Variants in NOSIP observed in about 807,000 individuals in gnomAD.
NOSIP encodes nitric oxide synthase interacting protein.
Under a neutral mutation model 36.4 loss-of-function variants are expected in NOSIP, and 25 were observed. That is an observed-to-expected ratio of 0.69 (90% confidence interval 0.50 to 0.96). The LOEUF (loss-of-function observed/expected upper bound fraction) is 0.96, where lower values mean the gene tolerates loss of function less well. NOSIP is among the 40% of genes least tolerant of loss of function. The pLI, the probability that NOSIP is intolerant of heterozygous loss-of-function variation, is 0.00. For missense variants in NOSIP, 370 were observed against 429.0 expected (o/e 0.86, Z 1.21); for synonymous variants, 187 against 179.2 (o/e 1.04, Z -0.35).
At chr19:49,563,380 T>A (rs1568405089) in intron 1 of NOSIP, among the ~76,000 whole-genome samples, 1 of 152,184 alleles carries the variant, frequency 6.6e-6, no homozygotes, top group Non-Finnish European at 1.5e-5. Flanking sequence ...TTTGCCATGT[T>A]GCCCAGGTTG....
At chr19:49,574,279 T>C (rs1345509632) in intron 1 of NOSIP, among the ~76,000 whole-genome samples, 1 of 152,166 alleles carries the variant, frequency 6.6e-6, no homozygotes, top group Non-Finnish European at 1.5e-5. Context: ...ATTAAGTCAC[T>C]CTCTTCAACT....
chr19:49,556,717 G>A lies in NOSIP; in HGVS notation c.557C>T (p.Pro186Leu), dbSNP rs748461813. Reference protein sequence around the residue: ...LEKPSRTVTCPMSGKPLRMSD... With the variant: ...LEKPSRTVTCLMSGKPLRMSD... The stretch of plus-strand genomic sequence containing the variant: ...CATGCGCAGGGGCTTCCCTGACATG[G>A]GGCAGGTCACCGTGCGGGACTGCAA... The change falls in exon 7 of 9, where the codon CCC (proline) becomes CTC (leucine). Residue 186 changes from proline to leucine, a missense_variant. Coordinates refer to ENST00000596358, the MANE Select transcript of NOSIP (RefSeq NM_001270960.2). 6 of 1,608,200 alleles carry A rather than the reference G, an allele frequency of 3.7e-6. No homozygotes were observed. Among genetic ancestry groups the A allele is most frequent in the Non-Finnish European group, 3.4e-6 (4 of 1,176,612 alleles).
rs1319642579 is a variant in NOSIP at position 49,557,065 on chromosome 19, CCACAAGAAGCCCAACCTGAGT to C, written c.418+4_418+24del. ...AGCCCGCGGCGCCCCGCCCCCCAAC[CCACAAGAAGCCCAACCTGAGT>C]CACCTGGGCTGGTGCCCGAGAGGGC... On this transcript the variant is annotated splice_donor_5th_base_variant and intron_variant, in intron 5 of 8. Coordinates refer to ENST00000596358, the MANE Select transcript of NOSIP (RefSeq NM_001270960.2). 6.2e-7 allele frequency: 1 copy of C among 1,603,476 alleles called. No homozygotes were observed. The highest frequency in any genetic ancestry group is 1.7e-5 in the Admixed American group (1 of 58,614).
chr19:49,577,290 G>A (rs2080565865), intron 1 of NOSIP, among the ~76,000 whole-genome samples: 1 of 152,162 alleles, frequency 6.6e-6, no homozygotes, highest in South Asian at 2.1e-4. Context: ...GGGGCGCGGT[G>A]GCTCATGCCT....
intron 1 of NOSIP, among the ~76,000 whole-genome samples, chr19:49,570,861 G>C (rs1286048195): frequency 6.6e-6 from 1 of 152,176 alleles, no homozygotes. Flanking sequence ...GGCTTTCCCA[G>C]AGATGAGCTT....
chr19:49,563,695 A>G (rs1036580692), intron 1 of NOSIP, among the ~76,000 whole-genome samples: 2 of 151,092 alleles, frequency 1.3e-5, no homozygotes, highest in Non-Finnish European at 2.9e-5. Context: ...GGGTTTTACC[A>G]TATTGGCTAG....
chr19:49,569,828 A>G (rs2080462024), intron 1 of NOSIP, among the ~76,000 whole-genome samples: 1 of 150,890 alleles, frequency 6.6e-6, no homozygotes, highest in African/African-American at 2.4e-5. Context: ...AAACAACAAC[A>G]ACAACAACAA....
chr19:49,565,689 T>C (rs1006642055), intron 1 of NOSIP, among the ~76,000 whole-genome samples: 2 of 151,542 alleles, frequency 1.3e-5, no homozygotes, highest in South Asian at 2.1e-4. Flanking sequence ...GCCTGGGAGG[T>C]GAAGGCTGCA....
At chr19:49,556,819 G>A in intron 6 of NOSIP, 56 bp downstream of exon 6, 2 of 1,596,338 alleles carry the variant, frequency 1.3e-6, no homozygotes, top group Non-Finnish European at 1.7e-6. Flanking sequence ...TGAGGAGGAC[G>A]GTGGGGAACC....
chr19:49,572,232 G>C (rs559656556), intron 1 of NOSIP, among the ~76,000 whole-genome samples: 1 of 145,068 alleles, frequency 6.9e-6, no homozygotes, highest in African/African-American at 2.5e-5. Flanking sequence ...CAGCCTTCCA[G>C]GTAGCTGGGA....
intron 1 of NOSIP, among the ~76,000 whole-genome samples, chr19:49,564,703 G>T (rs2080383177): frequency 6.6e-6 from 1 of 152,060 alleles, no homozygotes; most frequent in Admixed American, 6.6e-5. Flanking sequence ...CCTAACAGAA[G>T]GGTACACCTG....
chr19:49,556,144 GAAGGGCGGGGCCTTGCAGGA>G (rs2080238448), intron 8 of NOSIP, among the ~76,000 whole-genome samples, 153 bp downstream of exon 8: 1 of 62,892 alleles, frequency 1.6e-5, no homozygotes, highest in Non-Finnish European at 2.7e-5. Context: ...CGGAGGGGGG[GAAGGGCGGGGCCTTGCAGGA>G]GAAAGCGGGG....
chr19:49,577,600 A>G (rs1184428624), intron 1 of NOSIP, among the ~76,000 whole-genome samples: 1 of 151,760 alleles, frequency 6.6e-6, no homozygotes, highest in Non-Finnish European at 1.5e-5. Flanking sequence ...TCCAGCCATA[A>G]AAAGAATAAA....
At chr19:49,568,960 G>A (rs1335725598) in intron 1 of NOSIP, among the ~76,000 whole-genome samples, 4 of 147,986 alleles carry the variant, frequency 2.7e-5, no homozygotes, top group East Asian at 2.0e-4. Flanking sequence ...GCACCACCAC[G>A]CCTGGCTAAT....
intron 1 of NOSIP, among the ~76,000 whole-genome samples, chr19:49,576,884 CAAAAAAAAAAAA>C (rs58441193): frequency 6.3e-5 from 3 of 47,382 alleles, no homozygotes; most frequent in Non-Finnish European, 1.0e-4. Context: ...AACTCTGTCT[CAAAAAAAAAAAA>C]AAAAAAAAAA....
At position 49,560,200 on chromosome 19, in the gene NOSIP, G is replaced by A. The variant is rs904624573; in HGVS notation, c.71-161C>T. The A allele has an allele frequency of 8.2e-6, 5 of 606,910 alleles. No homozygotes were observed. The highest frequency in any genetic ancestry group is 1.9e-5 in the South Asian group (1 of 51,354). The allele number at this position is 606,910 out of a possible 1,614,324, so 37.6% of individuals were successfully genotyped here. A position where few individuals can be genotyped will look rare whatever the true frequency, so the allele number is the denominator to read the frequency against. On this transcript the variant is annotated intron_variant, in intron 2 of 8. Transcript: ENST00000596358. The surrounding 1 kb of genome is among the most constrained non-coding windows in gnomAD (Gnocchi z 4.6). Reference sequence around the variant, plus strand: ...GCCGCTGCCTGTGTGCTGGGGCCACGGGCTGAACCCACAGGGAGTTGTCAA... The same window carrying A: ...GCCGCTGCCTGTGTGCTGGGGCCACAGGCTGAACCCACAGGGAGTTGTCAA...
rs1288885059 is a variant in NOSIP at position 49,560,653 on chromosome 19, G to A, written c.39C>T (p.Val13=). ...RHGKNCTAGA[V]YTYHEKKKDT... is the part of the protein sequence containing the mutation. Reference sequence around the variant, plus strand: ...CCTTCTTCTTCTCGTGGTAGGTGTAGACGGCCCCTGCGGTGCAGTTCTTGC... The same window carrying A: ...CCTTCTTCTTCTCGTGGTAGGTGTAAACGGCCCCTGCGGTGCAGTTCTTGC... Residue 13 remains valine (V), a synonymous_variant, in exon 2 of 9, where the codon GTC becomes GTT. Transcript: ENST00000596358. This position sits in a 1 kb window ranked among gnomAD's most constrained non-coding sequence, Gnocchi z 4.6. 6.3e-7 allele frequency: 1 copy of A among 1,597,256 alleles called. No individual in the cohort carries two copies. Among genetic ancestry groups the A allele is most frequent in the Non-Finnish European group, 8.5e-7 (1 of 1,171,552 alleles).
At position 49,567,854 on chromosome 19, in the gene NOSIP, T is replaced by A. The variant is rs187609513; in HGVS notation, c.-1-7162A>T. ...GCCCGGCTAATTTTTTTGCATTTTT[T>A]TTTTAGTAGAGACAGGGTTCACCAC... On this transcript the variant is annotated intron_variant, in intron 1 of 8. Transcript: ENST00000596358. Among the ~76,000 whole-genome samples the A allele has an allele frequency of 3.9e-5, 6 of 151,984 alleles. No homozygotes were observed. The East Asian group carries it at 9.7e-4, about 25-fold the overall frequency.
chr19:49,573,671 G>A (rs1391831071), intron 1 of NOSIP, among the ~76,000 whole-genome samples: 1 of 152,138 alleles, frequency 6.6e-6, no homozygotes, highest in Non-Finnish European at 1.5e-5. Flanking sequence ...TGGAAGAACA[G>A]AAGTAATCAT....
Sources: gnomAD v4.1 joint callset for allele counts (sites outside exome capture counted in the v4.1 genomes callset) on GRCh38, gnomAD v4.1.1 for gene constraint, Gnocchi (gnomAD v3.1) non-coding constraint, MANE v1.5 for transcripts, NCBI Gene and HGNC (gene_info 2026-07-23, HGNC 2026-07-21) for gene names.